Variants in RDX observed in about 807,000 individuals in gnomAD.
The protein encoded by RDX is deafness, autosomal recessive 24.
RDX carries 32 observed loss-of-function variants against 83.7 expected under a neutral mutation model. The ratio of observed to expected loss-of-function variants is 0.38; its 90% confidence interval spans 0.29 to 0.51. The LOEUF is 0.51. Among genes scored for constraint, RDX ranks in the 20% least tolerant of loss-of-function variants. RDX has a pLI of 0.87. For missense variants in RDX, 600 were observed against 689.9 expected, an observed-to-expected ratio of 0.87 and a Z score of 1.46; for synonymous variants, 229 against 222.7, an observed-to-expected ratio of 1.03 and a Z score of -0.25.
intron 15 of RDX, among the ~76,000 whole-genome samples, chr11:110,185,854 C>T (rs1862976871): frequency 6.6e-6 from 1 of 152,180 alleles, no homozygotes; most frequent in African/African-American, 2.4e-5. Flanking sequence ...ACAGCTCATT[C>T]CCCAAAGGAA....
chr11:110,204,514 C>CTTTTTTTTTTTTTTTTTTTTTT (rs577737066), intron 14 of RDX, among the ~76,000 whole-genome samples: 1 of 107,734 alleles, frequency 9.3e-6, no homozygotes. Context: ...TTTTTTTTTC[C>CTTTTTTTTTTTTTTTTTTTTTT]TTTTTTTTTT....
intron 10 of RDX, among the ~76,000 whole-genome samples, chr11:110,245,477 G>A (rs577943042): frequency 2.6e-5 from 4 of 152,180 alleles, no homozygotes; most frequent in African/African-American, 9.6e-5. Flanking sequence ...ATCTCAGAAT[G>A]CTAAATTAGG....
intron 15 of RDX, among the ~76,000 whole-genome samples, chr11:110,194,408 C>T (rs940315892): frequency 2.6e-5 from 4 of 152,126 alleles, no homozygotes; most frequent in East Asian, 1.9e-4. Flanking sequence ...TTAGTAGAGA[C>T]GGGGTTTTGC....
chr11:110,252,637 A>C (rs1452021548), intron 9 of RDX, among the ~76,000 whole-genome samples: 1 of 152,250 alleles, frequency 6.6e-6, no homozygotes, highest in East Asian at 1.9e-4. Flanking sequence ...TATGTGTATA[A>C]GAATGTACTG....
intron 10 of RDX, among the ~76,000 whole-genome samples, chr11:110,240,151 A>G (rs952738445): frequency 2.0e-5 from 3 of 152,228 alleles, no homozygotes; most frequent in African/African-American, 7.2e-5. Context: ...CATGAAGTCA[A>G]CCTAAGTGCT....
At chr11:110,241,574 G>C (rs182624897) in intron 10 of RDX, among the ~76,000 whole-genome samples, 1 of 152,300 alleles carries the variant, frequency 6.6e-6, no homozygotes, top group East Asian at 1.9e-4. Context: ...TGGGATTACA[G>C]GTGTGAGCTA....
Position 110,255,306 on chromosome 11 carries a change from T to TA in RDX, c.777_778insT (p.Ile260TyrfsTer7). 1.3e-6 allele frequency: 2 copies of TA among 1,578,286 alleles called. No individual in the cohort carries two copies. Among genetic ancestry groups the TA allele is most frequent in the Admixed American group, 3.3e-5 (2 of 59,826 alleles). ...TTACTTACAGGTGCCTTTTTGTCGA[T>TA]TGGCTTTATAACAAATTTTTTGTCA... is the stretch of plus-strand genomic sequence containing the variant. On this transcript the variant is annotated frameshift_variant, in exon 8 of 14. Coordinates refer to ENST00000645495, the MANE Select transcript of RDX (RefSeq NM_002906.4). LOFTEE classifies it high-confidence loss of function.
At chr11:110,259,213 C>T (rs182117271) in intron 5 of RDX, among the ~76,000 whole-genome samples, 134 of 152,326 alleles carry the variant, frequency 8.8e-4, no homozygotes, top group African/African-American at 3.2e-3. Flanking sequence ...GCTGGGATTA[C>T]AGGCGTGAGC....
At chr11:110,228,542 T>C (rs1864505988), downstream of RDX, among the ~76,000 whole-genome samples, 1 of 152,080 alleles carries the variant, frequency 6.6e-6, no homozygotes, top group South Asian at 2.1e-4. Context: ...CTAAAGTTAG[T>C]AATCCCTTAG....
At chr11:110,253,079 T>C (rs1046695987) in intron 9 of RDX, among the ~76,000 whole-genome samples, 1 of 152,194 alleles carries the variant, frequency 6.6e-6, no homozygotes, top group Non-Finnish European at 1.5e-5. Flanking sequence ...TAAAATCTCT[T>C]ACACAGAACA....
At chr11:110,282,754 G>A (rs1860814247) in intron 1 of RDX, among the ~76,000 whole-genome samples, 2 of 152,204 alleles carry the variant, frequency 1.3e-5, no homozygotes, top group Admixed American at 1.3e-4. Flanking sequence ...CAACGCAGGA[G>A]GATCACTTGA....
chr11:110,271,758 C>T (rs1394034651), intron 3 of RDX, among the ~76,000 whole-genome samples: 1 of 152,094 alleles, frequency 6.6e-6, no homozygotes, highest in Non-Finnish European at 1.5e-5. Flanking sequence ...ACCTGACCTC[C>T]ATATCCCAAC....
At chr11:110,280,816 A>C (rs1007718918) in intron 1 of RDX, among the ~76,000 whole-genome samples, 2 of 152,156 alleles carry the variant, frequency 1.3e-5, no homozygotes, top group Admixed American at 6.5e-5. Context: ...CAACAGAGCA[A>C]GACCCTGTCT....
intron 15 of RDX, among the ~76,000 whole-genome samples, chr11:110,178,214 G>C (rs1862815049): frequency 6.6e-6 from 1 of 152,170 alleles, no homozygotes; most frequent in South Asian, 2.1e-4. Context: ...TCCACCTGCA[G>C]CTCTCCTGGT....
At chr11:110,201,177 C>CA (rs34428422) in intron 14 of RDX, among the ~76,000 whole-genome samples, 1,813 of 81,970 alleles carry the variant, frequency 0.022, 57 homozygotes, top group African/African-American at 0.066. Flanking sequence ...ACTCCCGTCT[C>CA]AAAAAAAAAA....
chr11:110,219,562 G>A (rs1864175056), intron 14 of RDX, among the ~76,000 whole-genome samples: 1 of 152,074 alleles, frequency 6.6e-6, no homozygotes, highest in African/African-American at 2.4e-5. Context: ...TGTGGAGGAT[G>A]AGGTGGTCAC....
chr11:110,256,860 TG>T (rs1859566499), intron 7 of RDX, among the ~76,000 whole-genome samples: 1 of 152,212 alleles, frequency 6.6e-6, no homozygotes, highest in Non-Finnish European at 1.5e-5. Flanking sequence ...AAAATGCTCT[TG>T]TTTGGAATCA....
intron 14 of RDX, among the ~76,000 whole-genome samples, chr11:110,217,438 A>G (rs770017246): frequency 4.6e-5 from 7 of 152,174 alleles, no homozygotes; most frequent in Admixed American, 1.3e-4. Flanking sequence ...AAGCGCTAAC[A>G]TATTTGGATG....
Position 110,237,635 on chromosome 11 carries a change from G to C in RDX, c.1108C>G (p.Arg370Gly), listed in dbSNP as rs1463925107. Residue 370 changes from arginine (R) to glycine (G), a missense_variant, in exon 11 of 14, where the codon CGA becomes GGA. By Grantham distance (125) the Arg-to-Gly change is moderately radical. Transcript: ENST00000645495. ...KAQKELEEQT[R>G]KALELDQERK... ...TCTTGATCCAGTTCTAGAGCTTTTC[G>C]AGTCTGTTCTTCTAGTTCTATGAAA... The C allele has an allele frequency of 6.2e-7, 1 of 1,613,994 alleles. No homozygotes were observed. Among genetic ancestry groups the C allele is most frequent in the South Asian group, 1.1e-5 (1 of 91,070 alleles).
Sources: gnomAD v4.1 joint callset for allele counts (sites outside exome capture counted in the v4.1 genomes callset) on GRCh38, gnomAD v4.1.1 for gene constraint, MANE v1.5 for transcripts, NCBI Gene and HGNC (gene_info 2026-07-23, HGNC 2026-07-21) for gene names.